Variants in TIAM1 observed in about 807,000 individuals in gnomAD.
The protein encoded by TIAM1 is rho guanine nucleotide exchange factor TIAM1.
Under a neutral mutation model 163.5 loss-of-function variants are expected in TIAM1, and 65 were observed. That is an observed-to-expected ratio of 0.40 (90% CI 0.33 to 0.49). TIAM1 has a LOEUF of 0.49. Ranked by LOEUF, TIAM1 falls within the 20% of genes least tolerant of loss-of-function variation. The pLI is 0.77. For synonymous variants in TIAM1, 833 were observed against 810.1 expected (o/e 1.03, Z -0.48); for missense variants, 1,789 against 2,044.7 (o/e 0.87, Z 2.41).
At chr21:31,375,182 G>A (rs1028618098) in intron 2 of TIAM1, among the ~76,000 whole-genome samples, 3 of 152,036 alleles carry the variant, frequency 2.0e-5, no homozygotes, top group African/African-American at 7.2e-5. Flanking sequence ...GTATGCGGTT[G>A]GCTTTCACAA....
intron 1 of TIAM1, among the ~76,000 whole-genome samples, chr21:31,473,449 A>C (rs1459538139): frequency 8.0e-5 from 7 of 87,322 alleles, no homozygotes; most frequent in African/African-American, 1.4e-4. Flanking sequence ...AAAAAAAAAA[A>C]AAAAAAAAAA....
intron 16 of TIAM1, among the ~76,000 whole-genome samples, chr21:31,162,095 T>C (rs1277858503): frequency 6.6e-6 from 1 of 152,210 alleles, no homozygotes; most frequent in South Asian, 2.1e-4. Context: ...AAGGTAGTTT[T>C]AACATAGCCA....
At chr21:31,224,637 T>G (rs888735170) in intron 7 of TIAM1, among the ~76,000 whole-genome samples, 2 of 151,970 alleles carry the variant, frequency 1.3e-5, no homozygotes, top group African/African-American at 2.4e-5. Context: ...GATGGGGGAG[T>G]GTTTGCACCA....
At chr21:31,509,445 C>A (rs942452931) in intron 1 of TIAM1, among the ~76,000 whole-genome samples, 1 of 152,236 alleles carries the variant, frequency 6.6e-6, no homozygotes, top group Admixed American at 6.5e-5. Flanking sequence ...GGCACAGGCG[C>A]CACTTCCCAC....
intron 1 of TIAM1, among the ~76,000 whole-genome samples, chr21:31,524,155 C>G (rs1437351743): frequency 4.6e-5 from 7 of 152,002 alleles, no homozygotes; most frequent in Non-Finnish European, 8.8e-5. Flanking sequence ...AAGGAAATAC[C>G]TAAGGCTGGG....
At chr21:31,247,798 T>C (rs1462179446) in intron 5 of TIAM1, among the ~76,000 whole-genome samples, 1 of 152,184 alleles carries the variant, frequency 6.6e-6, no homozygotes, top group Non-Finnish European at 1.5e-5. Flanking sequence ...CCAAAGATTT[T>C]GAGGATCTCA....
Position 31,154,432 on chromosome 21 carries a change from G to A in TIAM1, c.2992-6C>T. ...GCGGCCACCTGTTCTGTACTCTTCGGAGCACAGGGGGGAAGGGAAGGCAGA... is the reference window on the plus strand; with the variant it reads ...GCGGCCACCTGTTCTGTACTCTTCGAAGCACAGGGGGGAAGGGAAGGCAGA... On this transcript the variant is annotated splice_polypyrimidine_tract_variant and splice_region_variant and intron_variant, in intron 16 of 27. Coordinates refer to ENST00000541036, the MANE Select transcript of TIAM1 (RefSeq NM_001353694.2). The A allele has an allele frequency of 1.2e-6, 2 of 1,610,692 alleles. No individual in the cohort carries two copies. The highest frequency in any genetic ancestry group is 1.1e-5 in the South Asian group (1 of 90,916).
At chr21:31,364,531 G>T (rs1002859216) in intron 2 of TIAM1, among the ~76,000 whole-genome samples, 3 of 152,174 alleles carry the variant, frequency 2.0e-5, no homozygotes, top group Non-Finnish European at 4.4e-5. Context: ...TGGTAGAATT[G>T]AGAAAGCACT....
intron 2 of TIAM1, among the ~76,000 whole-genome samples, chr21:31,287,155 GCTT>G (rs2073841283): frequency 6.6e-6 from 1 of 152,126 alleles, no homozygotes; most frequent in African/African-American, 2.4e-5. Flanking sequence ...CATTTTCTCT[GCTT>G]CTTAGTGGTA....
At chr21:31,341,257 T>C (rs1004379983) in intron 1 of TIAM1, among the ~76,000 whole-genome samples, 1 of 152,264 alleles carries the variant, frequency 6.6e-6, no homozygotes, top group Admixed American at 6.5e-5. Flanking sequence ...AGTTTCCAGA[T>C]CACATTTGGG....
chr21:31,306,441 A>T (rs1464454498), intron 2 of TIAM1, among the ~76,000 whole-genome samples: 1 of 152,208 alleles, frequency 6.6e-6, no homozygotes, highest in Non-Finnish European at 1.5e-5. Context: ...AACATTTACT[A>T]ACATTTCTTT....
chr21:31,396,185 T>C (rs1321388371), intron 2 of TIAM1, among the ~76,000 whole-genome samples: 2 of 152,196 alleles, frequency 1.3e-5, no homozygotes. Flanking sequence ...GAGGGGCTTG[T>C]TTGTGGTTCA....
At chr21:31,252,334 AC>A in intron 4 of TIAM1, 145 bp from the exon 5 acceptor site, 1 of 874,378 alleles carries the variant, frequency 1.1e-6, no homozygotes, top group Non-Finnish European at 1.7e-6. Flanking sequence ...CGGCTCCTGG[AC>A]CAGGTCCTGC....
intron 1 of TIAM1, among the ~76,000 whole-genome samples, chr21:31,545,024 A>G (rs1279515810): frequency 6.6e-6 from 1 of 152,048 alleles, no homozygotes; most frequent in East Asian, 1.9e-4. Context: ...AAAAAAAAAG[A>G]TATGTCAAAA....
In TIAM1 at chr21:31,182,695, A is replaced by G. The variant is rs528437737; in HGVS notation, c.2663-50T>C. On this transcript the variant is annotated intron_variant, in intron 14 of 27. Transcript: ENST00000541036. ...TTAATTTCACACACATTATCAGAAC[A>G]CAACAGCTTAGGAGCTCTGCTATAA... is the stretch of plus-strand genomic sequence containing the variant. 40 of 1,558,864 alleles carry G rather than the reference A, an allele frequency of 2.6e-5. No homozygotes were observed. The East Asian group carries it at 8.6e-4, about 33-fold the overall frequency.
intron 10 of TIAM1, chr21:31,212,955 G>C (rs1488595581): frequency 6.5e-6 from 1 of 154,516 alleles, no homozygotes. Flanking sequence ...CGTTTTTGTT[G>C]TTTTTCTTTT....
intron 2 of TIAM1, among the ~76,000 whole-genome samples, chr21:31,377,070 G>A (rs1410343386): frequency 6.5e-5 from 9 of 137,606 alleles, no homozygotes; most frequent in Admixed American, 3.8e-4. Context: ...GTAGACACAG[G>A]GTTTTACCAT....
chr21:31,245,666 G>A lies in TIAM1; in HGVS notation c.1412-6C>T, dbSNP rs1289237045. On this transcript the variant is annotated splice_region_variant and splice_polypyrimidine_tract_variant and intron_variant, in intron 5 of 27. Coordinates refer to ENST00000541036, the MANE Select transcript of TIAM1 (RefSeq NM_001353694.2). ...GTAGAAAAATAGCGTGCATCCTGAG[G>A]AAACAGAACAGGGGTGTGCATGAGT... 3 of 1,565,372 alleles carry A rather than the reference G, an allele frequency of 1.9e-6. No individual in the cohort carries two copies. The East Asian group carries it at 7.1e-5, about 37-fold the overall frequency.
intron 6 of TIAM1, among the ~76,000 whole-genome samples, chr21:31,233,312 G>C (rs1392426686): frequency 6.6e-6 from 1 of 152,144 alleles, no homozygotes; most frequent in Admixed American, 6.5e-5. Flanking sequence ...TAGGAATAAA[G>C]CTCCAGTGTG....
Sources: allele counts gnomAD v4.1 joint callset (sites outside exome capture counted in the v4.1 genomes callset), GRCh38; gene constraint gnomAD v4.1.1; transcripts MANE v1.5; gene names NCBI Gene and HGNC (gene_info 2026-07-23, HGNC 2026-07-21).